The following MAEL variants were observed in gnomAD, a reference collection of about 807,000 sequenced individuals.
MAEL encodes maelstrom spermatogenic transposon silencer.
A neutral mutation model predicts 62.0 loss-of-function variants in MAEL; 46 were observed. The observed-to-expected ratio is 0.74, with a 90% CI of 0.59 to 0.95. MAEL has a LOEUF of 0.95. MAEL is among the 40% of genes least tolerant of loss of function. The pLI is 0.00. For missense variants in MAEL, 497 were observed against 526.8 expected (o/e 0.94, Z 0.55); for synonymous variants, 172 against 175.5 (o/e 0.98, Z 0.16).
intron 1 of MAEL, 87 bp from the exon 2 acceptor site, chr1:166,989,650 C>A: frequency 6.8e-7 from 1 of 1,470,652 alleles, no homozygotes; most frequent in Non-Finnish European, 9.3e-7. Context: ...AACCACCTCC[C>A]TGTAATGCCC....
chr1:166,991,761 T>C (rs970894863), intron 3 of MAEL, among the ~76,000 whole-genome samples: 1 of 152,114 alleles, frequency 6.6e-6, no homozygotes, highest in Non-Finnish European at 1.5e-5. Flanking sequence ...CACTTAAATA[T>C]ACTTAAGTTA....
At chr1:167,020,447 T>A (rs752816027) in intron 10 of MAEL, among the ~76,000 whole-genome samples, 10 of 152,178 alleles carry the variant, frequency 6.6e-5, no homozygotes, top group Non-Finnish European at 8.8e-5. Flanking sequence ...CACCACCAAC[T>A]TCAAGGGGCC....
intron 2 of MAEL, chr1:166,990,602 T>C (rs1664130108): frequency 6.6e-6 from 1 of 151,846 alleles, no homozygotes; most frequent in African/African-American, 2.4e-5. Context: ...GAGGTTGTAG[T>C]GAATCGAGAT....
At chr1:167,014,458 C>T (rs911111929) in intron 8 of MAEL, among the ~76,000 whole-genome samples, 2 of 152,082 alleles carry the variant, frequency 1.3e-5, no homozygotes, top group Non-Finnish European at 2.9e-5. Context: ...CATCCTTGGC[C>T]TCAGAATCTC....
At chr1:167,010,405 A>G (rs982116053) in intron 8 of MAEL, among the ~76,000 whole-genome samples, 2 of 152,076 alleles carry the variant, frequency 1.3e-5, no homozygotes, top group African/African-American at 4.8e-5. Flanking sequence ...ATGAGAAATT[A>G]TCAGCTAAAG....
At position 166,997,101 on chromosome 1, in the gene MAEL, C is replaced by T. The variant is rs577445627; in HGVS notation, c.523+3032C>T. ...TCGGTCTCCCAAAGTGCTGGGCTTACAGGCGTGAGCCACCACGCCTGGCCC... is the reference window on the plus strand; with the variant it reads ...TCGGTCTCCCAAAGTGCTGGGCTTATAGGCGTGAGCCACCACGCCTGGCCC... On this transcript the variant is annotated intron_variant, in intron 5 of 11. Coordinates refer to ENST00000367872, the MANE Select transcript of MAEL (RefSeq NM_032858.3). 2.0e-5 allele frequency among the ~76,000 whole-genome samples: 3 copies of T among 152,344 alleles called. No individual in the cohort carries two copies. In the East Asian group the frequency reaches 5.8e-4, roughly 30 times the overall value.
Position 166,989,748 on chromosome 1 carries a change from G to C in MAEL, c.144G>C (p.Glu48Asp). 6.2e-7 allele frequency: 1 copy of C among 1,613,872 alleles called. No homozygotes were observed. The highest frequency in any genetic ancestry group is 8.5e-7 in the Non-Finnish European group (1 of 1,179,974). ...YCSSDWALLR[E>D]EEKEKYAEMA... is the part of the protein sequence containing the mutation. ...TCAATCCCCAAAAGCTTCTGAGGGA[G>C]GAAGAAAAGGAGAAATACGCAGAAA... Residue 48 changes from glutamate to aspartate, a missense_variant, in exon 2 of 12, where the codon GAG (glutamate) becomes GAC (aspartate). Physicochemically the swap from Glu to Asp is conservative, Grantham distance 45. Transcript: ENST00000367872.
chr1:166,985,742 T>C (rs923771554), upstream of MAEL, among the ~76,000 whole-genome samples: 2 of 152,034 alleles, frequency 1.3e-5, no homozygotes, highest in Non-Finnish European at 2.9e-5. Context: ...TTAAACAGGG[T>C]AAAATTTACA....
intron 2 of MAEL, 145 bp from the exon 3 acceptor site, chr1:166,991,233 T>C (rs768695209): frequency 8.1e-6 from 5 of 621,012 alleles, no homozygotes; most frequent in Non-Finnish European, 1.5e-5. Flanking sequence ...TGGGTGTTGG[T>C]ATTATTGACA....
intron 8 of MAEL, chr1:167,012,478 G>C (rs979557896): frequency 1.3e-5 from 2 of 152,098 alleles, no homozygotes; most frequent in African/African-American, 4.8e-5. Context: ...AATATTTATT[G>C]AGCACCTCCT....
At position 166,989,356 on chromosome 1, in the gene MAEL, C is replaced by A; in HGVS notation, c.4C>A (p.Pro2Thr). 1 of 1,609,256 alleles carries A rather than the reference C, an allele frequency of 6.2e-7. No homozygotes were observed. The highest frequency in any genetic ancestry group is 8.5e-7 in the Non-Finnish European group (1 of 1,177,966). The change falls in exon 1 of 12, where the codon CCG (proline) becomes ACG (threonine). Residue 2 changes from proline to threonine, a missense_variant. Coordinates refer to ENST00000367872, the MANE Select transcript of MAEL (RefSeq NM_032858.3). M[P>T]NRKASRNAYY... Reference sequence around the variant, plus strand: ...CAGGAAGTTTGACCGCGCTGCCATGCCGAACCGTAAGGCCAGCCGGAATGC... The same window carrying A: ...CAGGAAGTTTGACCGCGCTGCCATGACGAACCGTAAGGCCAGCCGGAATGC...
chr1:167,014,260 C>G (rs1665287216), intron 8 of MAEL, among the ~76,000 whole-genome samples: 1 of 152,192 alleles, frequency 6.6e-6, no homozygotes, highest in Admixed American at 6.5e-5. Context: ...GTGTTTAATT[C>G]ACCATCTTGA....
At chr1:166,999,478 A>G (rs958387815) in intron 5 of MAEL, among the ~76,000 whole-genome samples, 5 of 152,248 alleles carry the variant, frequency 3.3e-5, no homozygotes, top group African/African-American at 1.2e-4. Flanking sequence ...AGGAAGCTGC[A>G]GAATAAAAGT....
chr1:166,988,715 CAAA>C (rs1473222623), upstream of MAEL, among the ~76,000 whole-genome samples: 1 of 152,072 alleles, frequency 6.6e-6, no homozygotes, highest in African/African-American at 2.4e-5. Flanking sequence ...ATAAAATTGA[CAAA>C]AAGGAAACAG....
upstream of MAEL, among the ~76,000 whole-genome samples, chr1:166,984,455 T>C (rs886879096): frequency 2.6e-5 from 4 of 152,240 alleles, no homozygotes; most frequent in African/African-American, 9.6e-5. Flanking sequence ...GTACTGCATA[T>C]GTTAAGTCAT....
chr1:167,011,730 C>T (rs1169362597), intron 8 of MAEL, among the ~76,000 whole-genome samples: 1 of 152,132 alleles, frequency 6.6e-6, no homozygotes, highest in Non-Finnish European at 1.5e-5. Context: ...GTCTGGTTAC[C>T]ATCAAGATTA....
chr1:166,987,857 A>T (rs1397349264), upstream of MAEL, among the ~76,000 whole-genome samples: 1 of 152,224 alleles, frequency 6.6e-6, no homozygotes, highest in Admixed American at 6.5e-5. Context: ...CCCATCTATT[A>T]TTCTATCTGA....
upstream of MAEL, among the ~76,000 whole-genome samples, chr1:166,986,865 CAATAA>C (rs749958454): frequency 6.1e-4 from 89 of 147,016 alleles, 2 homozygotes; most frequent in Middle Eastern, 7.1e-3. Context: ...TTTAAAAGAT[CAATAA>C]AATAAACAAA....
intron 1 of MAEL, chr1:166,975,763 G>A (rs1663556520): frequency 6.6e-6 from 1 of 152,130 alleles, no homozygotes. Context: ...GCCGCGCCGA[G>A]CGGGGAGCGA....
Sources: gnomAD v4.1 joint callset for allele counts (sites outside exome capture counted in the v4.1 genomes callset) on GRCh38, gnomAD v4.1.1 for gene constraint, MANE v1.5 for transcripts, NCBI Gene and HGNC (gene_info 2026-07-23, HGNC 2026-07-21) for gene names.